CTNNBL1: variants seen among roughly 807,000 people sequenced by gnomAD.
The protein encoded by CTNNBL1 is beta-catenin-like protein 1.
In CTNNBL1, 31 loss-of-function variants were observed where a neutral mutation model predicts 72.7. That is an observed-to-expected ratio of 0.43 (90% CI 0.32 to 0.58). The LOEUF (loss-of-function observed/expected upper bound fraction) is 0.58, where lower values mean the gene tolerates loss of function less well. Ranked by LOEUF, CTNNBL1 falls within the 20% of genes least tolerant of loss-of-function variation. CTNNBL1 has a pLI of 0.08. For missense variants in CTNNBL1, 534 were observed against 725.1 expected, an observed-to-expected ratio of 0.74 and a Z score of 3.03; for synonymous variants, 240 against 267.3, an observed-to-expected ratio of 0.90 and a Z score of 1.00.
intron 5 of CTNNBL1, among the ~76,000 whole-genome samples, chr20:37,758,793 C>CAGTATTAGA (rs2073388250): frequency 6.6e-6 from 1 of 152,200 alleles, no homozygotes; most frequent in African/African-American, 2.4e-5. Context: ...AAGATTACTC[C>CAGTATTAGA]AGCCACTAGT....
chr20:37,854,748 C>T (rs533930638), intron 13 of CTNNBL1, among the ~76,000 whole-genome samples: 147 of 152,032 alleles, frequency 9.7e-4, no homozygotes, highest in African/African-American at 3.4e-3. Flanking sequence ...ACCACCACTC[C>T]TGGTTAATTT....
At chr20:37,723,164 C>T (rs2073055345) in intron 1 of CTNNBL1, among the ~76,000 whole-genome samples, 1 of 152,200 alleles carries the variant, frequency 6.6e-6, no homozygotes, top group East Asian at 1.9e-4. Context: ...GAAATCTATA[C>T]ACCCTTTGGT....
intron 1 of CTNNBL1, among the ~76,000 whole-genome samples, chr20:37,695,273 T>G (rs2072780980): frequency 6.6e-6 from 1 of 152,188 alleles, no homozygotes; most frequent in South Asian, 2.1e-4. Flanking sequence ...AGTGGCACAA[T>G]CATTGCTCAC....
chr20:37,770,229 T>C (rs960669013), intron 7 of CTNNBL1, among the ~76,000 whole-genome samples: 1 of 152,232 alleles, frequency 6.6e-6, no homozygotes, highest in African/African-American at 2.4e-5. Context: ...TTGTTTCTCA[T>C]TTAATTTCCT....
At chr20:37,734,913 T>C (rs979845753) in intron 2 of CTNNBL1, among the ~76,000 whole-genome samples, 1 of 152,190 alleles carries the variant, frequency 6.6e-6, no homozygotes, top group Admixed American at 6.5e-5. Context: ...GGAAATCCCA[T>C]GAGAGCTGTG....
intron 10 of CTNNBL1, among the ~76,000 whole-genome samples, chr20:37,779,712 A>G (rs920714996): frequency 2.0e-5 from 3 of 152,036 alleles, no homozygotes; most frequent in African/African-American, 2.4e-5. Context: ...TCTATGCCAT[A>G]TGTTTGTATT....
intron 1 of CTNNBL1, among the ~76,000 whole-genome samples, chr20:37,705,808 T>C (rs1173952864): frequency 6.6e-6 from 1 of 152,200 alleles, no homozygotes; most frequent in African/African-American, 2.4e-5. Flanking sequence ...GTCTGAGTCT[T>C]GTGTAGCTGT....
At chr20:37,744,705 G>A (rs1327025923) in intron 3 of CTNNBL1, 1 of 152,166 alleles carries the variant, frequency 6.6e-6, no homozygotes, top group Non-Finnish European at 1.5e-5. Flanking sequence ...ACCCATAGCA[G>A]TTTGTCAGGT....
chr20:37,787,894 A>G (rs2073692825), intron 10 of CTNNBL1, among the ~76,000 whole-genome samples: 1 of 151,810 alleles, frequency 6.6e-6, no homozygotes, highest in Non-Finnish European at 1.5e-5. Flanking sequence ...TTCTTTGTCT[A>G]TGAACGTTTG....
chr20:37,796,283 C>T (rs949291214), intron 10 of CTNNBL1, among the ~76,000 whole-genome samples: 7 of 152,092 alleles, frequency 4.6e-5, no homozygotes, highest in Non-Finnish European at 7.4e-5. Flanking sequence ...TGCAGATCTC[C>T]GTGCAGCTCT....
At chr20:37,858,794 G>T (rs1365472648) in intron 13 of CTNNBL1, among the ~76,000 whole-genome samples, 1 of 152,120 alleles carries the variant, frequency 6.6e-6, no homozygotes, top group Non-Finnish European at 1.5e-5. Flanking sequence ...AAGTCTGAGA[G>T]GTCTAGGGTT....
At chr20:37,810,021 A>G (rs2071995204) in intron 11 of CTNNBL1, among the ~76,000 whole-genome samples, 1 of 152,056 alleles carries the variant, frequency 6.6e-6, no homozygotes, top group African/African-American at 2.4e-5. Flanking sequence ...TTTTCAATAC[A>G]TGGTTTTTTT....
At chr20:37,740,654 T>C (rs116080506) in intron 3 of CTNNBL1, among the ~76,000 whole-genome samples, 1,598 of 152,284 alleles carry the variant, frequency 0.01, 34 homozygotes, top group African/African-American at 0.037. Flanking sequence ...AATTATTGAA[T>C]ATCCCAAAGT....
chr20:37,843,437 G>T (rs554191989), intron 13 of CTNNBL1, among the ~76,000 whole-genome samples: 5 of 152,264 alleles, frequency 3.3e-5, no homozygotes, highest in Admixed American at 6.5e-5. Flanking sequence ...ATTTTCCCTC[G>T]GGGCATGCCT....
intron 10 of CTNNBL1, among the ~76,000 whole-genome samples, chr20:37,786,751 C>T (rs2073678846): frequency 1.3e-5 from 2 of 151,798 alleles, no homozygotes; most frequent in Non-Finnish European, 2.9e-5. Flanking sequence ...AAAAATAATT[C>T]TCTTATTTAA....
chr20:37,807,277 C>A (rs544687746), intron 11 of CTNNBL1, among the ~76,000 whole-genome samples: 25 of 152,124 alleles, frequency 1.6e-4, no homozygotes, highest in Non-Finnish European at 3.2e-4. Flanking sequence ...TTAGCATAGA[C>A]CCCAGAATAA....
chr20:37,842,429 C>T lies in CTNNBL1; in HGVS notation c.1392+10C>T, dbSNP rs2072312536. On this transcript the variant is annotated intron_variant, in intron 13 of 15. Coordinates refer to ENST00000361383, the MANE Select transcript of CTNNBL1 (RefSeq NM_030877.5). ...TGAAGGGGAAAAACACGTATGTATC[C>T]CTGCCTCACTTTTGCCAGCTATTGA... 1 of 1,604,580 alleles carries T rather than the reference C, an allele frequency of 6.2e-7. No homozygotes were observed. Among genetic ancestry groups the T allele is most frequent in the Non-Finnish European group, 8.5e-7 (1 of 1,171,382 alleles).
chr20:37,765,795 T>G lies in CTNNBL1; in HGVS notation c.658+505T>G, dbSNP rs530052041. ...CTGTGATTTGAAATATTGCTACTAC[T>G]TGGCTGTCCCTACATCAGATTTTCA... On this transcript the variant is annotated intron_variant, in intron 6 of 15. Transcript: ENST00000361383. Among the ~76,000 whole-genome samples, 154 of 152,314 alleles carry G rather than the reference T, an allele frequency of 1.0e-3. 2 individuals carry two copies. Among genetic ancestry groups the G allele is most frequent in the African/African-American group, 2.5e-3 (103 of 41,576 alleles).
chr20:37,825,037 A>C (rs1483610087), intron 11 of CTNNBL1, among the ~76,000 whole-genome samples: 1 of 152,202 alleles, frequency 6.6e-6, no homozygotes, highest in East Asian at 1.9e-4. Flanking sequence ...CCCTCCAAAT[A>C]AAATGGGTTC....
Sources: gnomAD v4.1 joint callset for allele counts (sites outside exome capture counted in the v4.1 genomes callset) on GRCh38, gnomAD v4.1.1 for gene constraint, MANE v1.5 for transcripts, NCBI Gene and HGNC (gene_info 2026-07-23, HGNC 2026-07-21) for gene names.